The following GALNTL6 variants were observed in gnomAD, a reference collection of about 807,000 sequenced individuals.
The protein encoded by GALNTL6 is polypeptide N-acetylgalactosaminyltransferase like 6, also known as polypeptide N-acetylgalactosaminyltransferase-like 6.
In GALNTL6, 46 loss-of-function variants were observed where a neutral mutation model predicts 73.7. The observed-to-expected ratio is 0.62, with a 90% CI of 0.49 to 0.80. The LOEUF (loss-of-function observed/expected upper bound fraction) is 0.80. GALNTL6 is among the 30% of genes least tolerant of loss of function. The probability of loss-of-function intolerance (pLI) is 0.00; values close to 1 mark genes in which losing one functional copy is unlikely to be tolerated. For synonymous variants in GALNTL6, 259 were observed against 263.7 expected (o/e 0.98, Z 0.17); for missense variants, 604 against 755.0 (o/e 0.80, Z 2.34).
chr4:172,753,924 T>C (rs568600918), intron 5 of GALNTL6, among the ~76,000 whole-genome samples: 7 of 152,070 alleles, frequency 4.6e-5, no homozygotes. Context: ...GCAGTGCTAA[T>C]GAGAAGGGAG....
At chr4:172,714,116 A>G (rs1284921092) in intron 5 of GALNTL6, among the ~76,000 whole-genome samples, 1 of 152,200 alleles carries the variant, frequency 6.6e-6, no homozygotes, top group Non-Finnish European at 1.5e-5. Flanking sequence ...TCCCCAGGAA[A>G]TAAGAGGGTT....
chr4:173,035,666 C>T (rs538230438), intron 12 of GALNTL6, among the ~76,000 whole-genome samples: 3 of 152,200 alleles, frequency 2.0e-5, no homozygotes, highest in African/African-American at 7.2e-5. Context: ...ACACATAGAT[C>T]AGATACAAGA....
chr4:172,085,796 T>C (rs1732014864), intron 2 of GALNTL6, among the ~76,000 whole-genome samples: 1 of 152,086 alleles, frequency 6.6e-6, no homozygotes, highest in Non-Finnish European at 1.5e-5. Context: ...GTTTAATTTC[T>C]TCCAGGAAGT....
chr4:172,472,463 G>A (rs545990978), intron 5 of GALNTL6, among the ~76,000 whole-genome samples: 2 of 152,166 alleles, frequency 1.3e-5, no homozygotes, highest in East Asian at 3.9e-4. Flanking sequence ...ATGATTTTAT[G>A]GGTTTAAGTG....
At chr4:172,324,047 A>G (rs1740853687) in intron 4 of GALNTL6, among the ~76,000 whole-genome samples, 1 of 152,054 alleles carries the variant, frequency 6.6e-6, no homozygotes, top group Admixed American at 6.6e-5. Flanking sequence ...AAGGAATCTC[A>G]GAATATAACT....
chr4:172,218,572 T>G (rs932013182), intron 2 of GALNTL6, among the ~76,000 whole-genome samples: 1 of 152,078 alleles, frequency 6.6e-6, no homozygotes, highest in African/African-American at 2.4e-5. Flanking sequence ...TCTCTAGATT[T>G]TCATATCTTT....
At chr4:172,236,157 A>T (rs963746546) in intron 3 of GALNTL6, among the ~76,000 whole-genome samples, 3 of 152,132 alleles carry the variant, frequency 2.0e-5, no homozygotes, top group African/African-American at 7.2e-5. Flanking sequence ...TTCACATTGT[A>T]TTTGCTTTTC....
chr4:172,524,571 C>T (rs1185553330), intron 5 of GALNTL6, among the ~76,000 whole-genome samples: 1 of 152,128 alleles, frequency 6.6e-6, no homozygotes, highest in Non-Finnish European at 1.5e-5. Flanking sequence ...TTGAATATCC[C>T]GGTTCGTGAA....
intron 5 of GALNTL6, among the ~76,000 whole-genome samples, chr4:172,530,537 TACCTCTCTG>T (rs1735134802): frequency 6.6e-6 from 1 of 152,232 alleles, no homozygotes; most frequent in Admixed American, 6.5e-5. Context: ...GAGGTTACTT[TACCTCTCTG>T]AACCACAGCT....
intron 2 of GALNTL6, among the ~76,000 whole-genome samples, chr4:172,011,993 C>T (rs1467996448): frequency 6.6e-6 from 1 of 151,856 alleles, no homozygotes; most frequent in Non-Finnish European, 1.5e-5. Context: ...AAAGTGCAAG[C>T]CTGCTTATTG....
At chr4:172,424,432 A>G (rs940536088) in intron 5 of GALNTL6, among the ~76,000 whole-genome samples, 2 of 152,168 alleles carry the variant, frequency 1.3e-5, no homozygotes, top group African/African-American at 2.4e-5. Flanking sequence ...GCATGTTAAT[A>G]TACAGAAATT....
Position 172,294,800 on chromosome 4 carries a change from CAAG to C in GALNTL6, c.248-16811_248-16809del, listed in dbSNP as rs536938527. Among the ~76,000 whole-genome samples, 9 of 151,984 alleles carry C rather than the reference CAAG, an allele frequency of 5.9e-5. No homozygotes were observed. In the South Asian group the frequency reaches 1.9e-3, roughly 31 times the overall value. ...AGGATTTCTCCTGCATTGTCTCAGA[CAAG>C]AAATATTTTTCATGATAATTTGGTA... On this transcript the variant is annotated intron_variant, in intron 3 of 12. Coordinates refer to ENST00000506823, the MANE Select transcript of GALNTL6 (RefSeq NM_001034845.3).
At chr4:172,470,616 C>T (rs1183324133) in intron 5 of GALNTL6, among the ~76,000 whole-genome samples, 1 of 152,126 alleles carries the variant, frequency 6.6e-6, no homozygotes. Flanking sequence ...AAAGGTATTG[C>T]AAGCCATATG....
chr4:172,094,057 C>G (rs1038833100), intron 2 of GALNTL6, among the ~76,000 whole-genome samples: 13 of 152,096 alleles, frequency 8.5e-5, no homozygotes, highest in Non-Finnish European at 1.9e-4. Flanking sequence ...GGTTGGGGAC[C>G]GCTGACATAG....
intron 5 of GALNTL6, among the ~76,000 whole-genome samples, chr4:172,586,555 T>TG (rs1737418471): frequency 6.7e-6 from 1 of 149,476 alleles, no homozygotes; most frequent in African/African-American, 2.5e-5. Context: ...TCCCGGGCGG[T>TG]GGGGAGTGAG....
chr4:172,104,505 G>A (rs937513196), intron 2 of GALNTL6, among the ~76,000 whole-genome samples: 6 of 151,856 alleles, frequency 4.0e-5, no homozygotes, highest in African/African-American at 1.5e-4. Flanking sequence ...CATTAAATGG[G>A]GATTCGATTA....
At chr4:172,715,155 C>A (rs927844209) in intron 5 of GALNTL6, among the ~76,000 whole-genome samples, 4 of 152,106 alleles carry the variant, frequency 2.6e-5, no homozygotes, top group Non-Finnish European at 5.9e-5. Flanking sequence ...GGGGTCTCTA[C>A]TATGATTTAG....
At chr4:172,425,912 CTG>C (rs945132187) in intron 5 of GALNTL6, among the ~76,000 whole-genome samples, 12 of 152,102 alleles carry the variant, frequency 7.9e-5, no homozygotes, top group Admixed American at 7.2e-4. Context: ...TTAAAAGAAT[CTG>C]TGGACTTATA....
At chr4:172,775,640 T>A (rs992589544) in intron 5 of GALNTL6, among the ~76,000 whole-genome samples, 1 of 152,194 alleles carries the variant, frequency 6.6e-6, no homozygotes, top group Admixed American at 6.5e-5. Context: ...AACCATAGGA[T>A]GACTCCCCAA....
Sources: allele counts gnomAD v4.1 joint callset (sites outside exome capture counted in the v4.1 genomes callset), GRCh38; gene constraint gnomAD v4.1.1; transcripts MANE v1.5; gene names NCBI Gene and HGNC (gene_info 2026-07-23, HGNC 2026-07-21).